Variants in SNX24 observed in about 807,000 individuals in gnomAD.
SNX24 encodes sorting nexin 24.
Under a neutral mutation model 28.7 loss-of-function variants are expected in SNX24, and 22 were observed. That is an observed-to-expected ratio of 0.77 (90% CI 0.55 to 1.10). The LOEUF is 1.10. Among genes scored for constraint, SNX24 ranks in the 50% least tolerant of loss-of-function variants. SNX24 has a pLI of 0.00. For synonymous variants in SNX24, 69 were observed against 71.5 expected, an observed-to-expected ratio of 0.96 and a Z score of 0.18; for missense variants, 221 against 201.1, an observed-to-expected ratio of 1.10 and a Z score of -0.60.
rs573433929 is a variant in SNX24, at chr5:122,870,451, G to C, written c.60+24758G>C. On this transcript the variant is annotated intron_variant, in intron 1 of 6. Transcript: ENST00000261369. ...GGCCTGAGATGTCAGCTTAGTTTCA[G>C]CCAATGACCCTTAGTTTCAGTGTTG... 4.6e-4 allele frequency among the ~76,000 whole-genome samples: 70 copies of C among 152,298 alleles called. No individual in the cohort carries two copies. The Middle Eastern group carries it at 0.01, about 22-fold the overall frequency.
intron 1 of SNX24, among the ~76,000 whole-genome samples, chr5:122,916,084 A>C (rs1191699514): frequency 6.6e-6 from 1 of 152,252 alleles, no homozygotes; most frequent in Non-Finnish European, 1.5e-5. Flanking sequence ...AAAAGTGATC[A>C]ATAATTTTTC....
At chr5:123,005,886 GT>G (rs1176099809) in intron 6 of SNX24, among the ~76,000 whole-genome samples, 1 of 152,162 alleles carries the variant, frequency 6.6e-6, no homozygotes, top group Non-Finnish European at 1.5e-5. Flanking sequence ...ATTACTTCAT[GT>G]TGGGGAAAGG....
intron 1 of SNX24, among the ~76,000 whole-genome samples, chr5:122,899,500 G>T (rs1554070836): frequency 1.3e-5 from 2 of 151,882 alleles, no homozygotes; most frequent in South Asian, 4.2e-4. Flanking sequence ...CCTCGAATTC[G>T]CAGGCTCCAT....
chr5:123,023,637 C>A, intron 5 of SNX24: 2 of 404,556 alleles, frequency 4.9e-6, no homozygotes, highest in Admixed American at 5.0e-5. Context: ...TTTAAAATAG[C>A]ACCACTTGAG....
intron 5 of SNX24, among the ~76,000 whole-genome samples, chr5:123,024,526 C>A (rs1414534078): frequency 1.3e-5 from 2 of 152,160 alleles, no homozygotes; most frequent in African/African-American, 4.8e-5. Flanking sequence ...ACTAATGTAA[C>A]CCCAGCCCCC....
intron 1 of SNX24, among the ~76,000 whole-genome samples, chr5:122,934,445 T>G (rs1265446255): frequency 6.6e-6 from 1 of 151,846 alleles, no homozygotes. Flanking sequence ...CTGCAACCTC[T>G]GCCTCCTAGG....
chr5:122,904,489 T>A lies in SNX24; in HGVS notation c.61-32245T>A, dbSNP rs1041301537. Among the ~76,000 whole-genome samples, 19 of 152,194 alleles carry A rather than the reference T, an allele frequency of 1.2e-4. No homozygotes were observed. In the South Asian group the frequency reaches 1.5e-3, roughly 12 times the overall value. On this transcript the variant is annotated intron_variant, in intron 1 of 6. Coordinates refer to ENST00000261369, the MANE Select transcript of SNX24 (RefSeq NM_014035.4). ...TGAGCCACCACTCCCGGCCTTTTTA[T>A]CTTTTGTTTTTTCCTTTGTTTATAT...
chr5:122,897,264 AAC>A (rs1363655096), intron 1 of SNX24, among the ~76,000 whole-genome samples: 4 of 152,184 alleles, frequency 2.6e-5, no homozygotes, highest in Non-Finnish European at 5.9e-5. Flanking sequence ...TTTTTTTTAA[AAC>A]AGAGTTCCCA....
At chr5:122,998,669 A>G (rs898615918) in intron 3 of SNX24, among the ~76,000 whole-genome samples, 10 of 152,304 alleles carry the variant, frequency 6.6e-5, no homozygotes, top group African/African-American at 2.4e-4. Flanking sequence ...GAGGACTGGC[A>G]ACCTGTATAG....
At chr5:122,855,425 A>T (rs991994047) in intron 1 of SNX24, among the ~76,000 whole-genome samples, 4 of 152,178 alleles carry the variant, frequency 2.6e-5, no homozygotes, top group Non-Finnish European at 4.4e-5. Context: ...ACTTCCTGAA[A>T]CATTTCTCTG....
At chr5:122,846,957 C>CT (rs34047045) in intron 1 of SNX24, among the ~76,000 whole-genome samples, 5,101 of 141,342 alleles carry the variant, frequency 0.036, 227 homozygotes, top group African/African-American at 0.11. Flanking sequence ...TTGTTCAAGG[C>CT]TTTTTTTTTT....
chr5:122,962,601 G>A (rs963530400), intron 3 of SNX24, among the ~76,000 whole-genome samples: 1 of 152,218 alleles, frequency 6.6e-6, no homozygotes, highest in Non-Finnish European at 1.5e-5. Flanking sequence ...TGAAAGCCAA[G>A]CCTACCAAGC....
At chr5:122,927,381 A>C (rs905357497) in intron 1 of SNX24, among the ~76,000 whole-genome samples, 29 of 107,750 alleles carry the variant, frequency 2.7e-4, no homozygotes, top group African/African-American at 1.2e-3. Context: ...GGGACTAAAT[A>C]GGTTTTTTGT....
At chr5:122,885,386 T>C (rs961108207) in intron 1 of SNX24, among the ~76,000 whole-genome samples, 4 of 152,298 alleles carry the variant, frequency 2.6e-5, no homozygotes, top group East Asian at 1.9e-4. Context: ...CCTCCTGTGT[T>C]CCACGGTCTT....
At chr5:122,901,338 G>A (rs1007692412) in intron 1 of SNX24, among the ~76,000 whole-genome samples, 1 of 152,040 alleles carries the variant, frequency 6.6e-6, no homozygotes, top group East Asian at 1.9e-4. Flanking sequence ...CATTGACTGT[G>A]GGGGACAATA....
At chr5:122,869,164 A>G (rs1204041235) in intron 1 of SNX24, among the ~76,000 whole-genome samples, 4 of 152,188 alleles carry the variant, frequency 2.6e-5, no homozygotes, top group African/African-American at 4.8e-5. Context: ...TCTCATTGTC[A>G]GTAGAAATTG....
chr5:122,938,707 G>C lies in SNX24; in HGVS notation c.144+1890G>C, dbSNP rs1474338625. On this transcript the variant is annotated intron_variant, in intron 2 of 6. Transcript: ENST00000261369. Reference sequence around the variant, plus strand: ...TGTAATCCCAGCACTTTGGGAGGCCGAGGCGGGCGGATCACGAGGTCAGGA... The same window carrying C: ...TGTAATCCCAGCACTTTGGGAGGCCCAGGCGGGCGGATCACGAGGTCAGGA... Among the ~76,000 whole-genome samples the C allele has an allele frequency of 2.0e-4, 2 of 10,032 alleles. 1 individual carries two copies. The highest frequency in any genetic ancestry group is 2.9e-3 in the Admixed American group (2 of 684). The allele number at this position is 10,032 out of a possible 152,430, so 6.6% of individuals were successfully genotyped here. A position where few individuals can be genotyped will look rare whatever the true frequency, so the allele number is the denominator to read the frequency against.
chr5:122,939,041 G>C (rs1288691005), intron 2 of SNX24, among the ~76,000 whole-genome samples: 1 of 151,604 alleles, frequency 6.6e-6, no homozygotes, highest in Non-Finnish European at 1.5e-5. Flanking sequence ...CTGTAAGATT[G>C]TGTGCTAAGA....
chr5:123,025,770 A>T (rs1026152690), intron 5 of SNX24: 2 of 1,607,816 alleles, frequency 1.2e-6, no homozygotes, highest in East Asian at 4.5e-5. Flanking sequence ...AAGGAAAAAA[A>T]TGTATCAATT....
Sources: gnomAD v4.1 joint callset for allele counts (sites outside exome capture counted in the v4.1 genomes callset) on GRCh38, gnomAD v4.1.1 for gene constraint, MANE v1.5 for transcripts, NCBI Gene and HGNC (gene_info 2026-07-23, HGNC 2026-07-21) for gene names.